DCDC1: variants seen among roughly 807,000 people sequenced by gnomAD.
DCDC1 encodes the protein doublecortin domain containing 1, also known as doublecortin domain-containing protein 1.
A neutral mutation model predicts 178.3 loss-of-function variants in DCDC1; 200 were observed. That is an observed-to-expected ratio of 1.12 (90% CI 1.00 to 1.26). The LOEUF is 1.26. Among genes scored for constraint, DCDC1 ranks in the 50% most tolerant of loss-of-function variants. DCDC1 has a pLI of 0.00. For synonymous variants in DCDC1, 690 were observed against 604.8 expected, an observed-to-expected ratio of 1.14 and a Z score of -2.07; for missense variants, 1,983 against 1,749.2, an observed-to-expected ratio of 1.13 and a Z score of -2.38.
At chr11:30,895,717 T>A (rs1944152104) in intron 34 of DCDC1, among the ~76,000 whole-genome samples, 1 of 152,126 alleles carries the variant, frequency 6.6e-6, no homozygotes, top group African/African-American at 2.4e-5. Flanking sequence ...AATCAATCAG[T>A]CAATGAGTTA....
At chr11:31,082,631 T>C (rs1158534738) in intron 17 of DCDC1, among the ~76,000 whole-genome samples, 1 of 151,672 alleles carries the variant, frequency 6.6e-6, no homozygotes, top group African/African-American at 2.4e-5. Flanking sequence ...CATATATGTG[T>C]GTAATACATC....
At position 30,905,081 on chromosome 11, in the gene DCDC1, C is replaced by A; in HGVS notation, c.4188G>T (p.Thr1396=). Residue 1396 remains threonine, a synonymous_variant, in exon 31 of 39, where the codon ACG becomes ACT. Coordinates refer to ENST00000684477, the MANE Select transcript of DCDC1 (RefSeq NM_001387274.1). The part of the protein sequence containing the change: ...RLLSLRMKTC[T]QAASHSGMAA... Reference sequence around the variant, plus strand: ...CCATGCCACTGTGAGATGCAGCTTGCGTGCAGGTCTTCATCCGTAAAGACA... The same window carrying A: ...CCATGCCACTGTGAGATGCAGCTTGAGTGCAGGTCTTCATCCGTAAAGACA... The A allele has an allele frequency of 6.2e-7, 1 of 1,613,742 alleles. No individual in the cohort carries two copies.
At chr11:31,041,474 C>A (rs1349669563) in intron 20 of DCDC1, among the ~76,000 whole-genome samples, 1 of 152,164 alleles carries the variant, frequency 6.6e-6, no homozygotes, top group Admixed American at 6.5e-5. Context: ...TTAATCACAT[C>A]ACAGCCCAAT....
At chr11:30,943,547 T>C in intron 21 of DCDC1, 1 of 385,608 alleles carries the variant, frequency 2.6e-6, no homozygotes, top group South Asian at 1.9e-5. Context: ...TTACCACAAT[T>C]CCTTCCTTGA....
intron 20 of DCDC1, among the ~76,000 whole-genome samples, chr11:31,026,873 T>C (rs1030524720): frequency 1.3e-5 from 2 of 151,840 alleles, no homozygotes; most frequent in African/African-American, 4.8e-5. Context: ...TCATTTGCTA[T>C]ACTTTGTTAC....
intron 29 of DCDC1, among the ~76,000 whole-genome samples, chr11:30,908,697 T>A (rs1306714675): frequency 1.3e-5 from 2 of 152,168 alleles, no homozygotes; most frequent in Non-Finnish European, 2.9e-5. Flanking sequence ...TACTTTAGAA[T>A]ATGTATGAAA....
chr11:30,950,801 A>C (rs1372359444), intron 21 of DCDC1, among the ~76,000 whole-genome samples: 1 of 152,106 alleles, frequency 6.6e-6, no homozygotes, highest in Non-Finnish European at 1.5e-5. Context: ...CAGTAGCACG[A>C]TAGAATGACT....
chr11:30,934,535 C>A (rs1169046827), intron 21 of DCDC1, among the ~76,000 whole-genome samples: 2 of 152,076 alleles, frequency 1.3e-5, no homozygotes, highest in African/African-American at 4.8e-5. Flanking sequence ...TGAATACTGC[C>A]CCCTGCCTAG....
chr11:31,283,758 G>A, intron 7 of DCDC1, among the ~76,000 whole-genome samples: 1 of 152,022 alleles, frequency 6.6e-6, no homozygotes, highest in Non-Finnish European at 1.5e-5. Context: ...AGACCTTGTG[G>A]AGTTCACCCT....
chr11:31,302,691 G>C (rs973372377), intron 6 of DCDC1, among the ~76,000 whole-genome samples: 4 of 152,092 alleles, frequency 2.6e-5, no homozygotes, highest in African/African-American at 9.7e-5. Flanking sequence ...GTGTTTCAAG[G>C]TATGTGATGA....
chr11:31,180,021 G>A (rs1308763466), intron 9 of DCDC1, among the ~76,000 whole-genome samples: 1 of 152,112 alleles, frequency 6.6e-6, no homozygotes, highest in Non-Finnish European at 1.5e-5. Context: ...CAGAATGAAG[G>A]ACAAAACCAT....
intron 9 of DCDC1, among the ~76,000 whole-genome samples, chr11:31,141,254 CTA>C (rs1402717432): frequency 2.0e-5 from 3 of 152,092 alleles, no homozygotes; most frequent in South Asian, 2.1e-4. Context: ...TATAGTAACT[CTA>C]GAGTTCAATT....
intron 15 of DCDC1, among the ~76,000 whole-genome samples, chr11:31,099,442 A>C (rs1958358761): frequency 6.6e-6 from 1 of 152,170 alleles, no homozygotes; most frequent in African/African-American, 2.4e-5. Context: ...AAGACCCTTC[A>C]TGATCTGATC....
intron 7 of DCDC1, chr11:31,280,651 A>G: frequency 2.0e-6 from 1 of 494,418 alleles, no homozygotes; most frequent in Non-Finnish European, 3.8e-6. Context: ...TGTAATAAAT[A>G]AGGCAGTGGC....
chr11:31,291,602 T>C (rs1020461075), intron 6 of DCDC1, among the ~76,000 whole-genome samples: 9 of 152,088 alleles, frequency 5.9e-5, no homozygotes, highest in Non-Finnish European at 1.2e-4. Context: ...TCAGCATTCT[T>C]CTCTTTTCAA....
At chr11:31,127,191 G>C (rs1175362380) in intron 11 of DCDC1, among the ~76,000 whole-genome samples, 1 of 152,148 alleles carries the variant, frequency 6.6e-6, no homozygotes, top group African/African-American at 2.4e-5. Context: ...TCTTGGAAAA[G>C]TGTGCAAATG....
chr11:30,887,758 C>T (rs1458736870), intron 36 of DCDC1, among the ~76,000 whole-genome samples: 2 of 151,956 alleles, frequency 1.3e-5, no homozygotes, highest in Non-Finnish European at 2.9e-5. Context: ...ACCTGCAATC[C>T]CAACACTTTG....
At chr11:30,971,610 T>G (rs1045154425) in intron 20 of DCDC1, among the ~76,000 whole-genome samples, 10 of 121,864 alleles carry the variant, frequency 8.2e-5, no homozygotes, top group Admixed American at 7.4e-4. Context: ...TTTGTTTTTT[T>G]TTTTTTTTTT....
chr11:31,265,110 TAA>T (rs1257604910), intron 8 of DCDC1, among the ~76,000 whole-genome samples: 1 of 152,208 alleles, frequency 6.6e-6, no homozygotes, highest in Admixed American at 6.6e-5. Flanking sequence ...TTACATTTCA[TAA>T]CTTTTGAATA....
Sources: gnomAD v4.1 joint callset for allele counts (sites outside exome capture counted in the v4.1 genomes callset) on GRCh38, gnomAD v4.1.1 for gene constraint, MANE v1.5 for transcripts, NCBI Gene and HGNC (gene_info 2026-07-23, HGNC 2026-07-21) for gene names.